The following ATP2B1 variants were observed in gnomAD, a reference collection of about 807,000 sequenced individuals.
ATP2B1 encodes the protein ATPase plasma membrane Ca2+ transporting 1.
In ATP2B1, 14 loss-of-function variants were observed where a neutral mutation model predicts 124.2. The ratio of observed to expected loss-of-function variants is 0.11; its 90% confidence interval spans 0.07 to 0.18. The LOEUF (loss-of-function observed/expected upper bound fraction) is 0.18, where lower values mean the gene tolerates loss of function less well. Ranked by LOEUF, ATP2B1 falls within the 10% of genes least tolerant of loss-of-function variation. The probability of loss-of-function intolerance (pLI) is 1.00; values close to 1 mark genes in which losing one functional copy is unlikely to be tolerated. For synonymous variants in ATP2B1, 449 were observed against 492.4 expected (o/e 0.91, Z 1.17); for missense variants, 763 against 1,466.1 (o/e 0.52, Z 7.83).
chr12:89,628,725 C>T (rs974183371), intron 6 of ATP2B1, among the ~76,000 whole-genome samples: 12 of 152,124 alleles, frequency 7.9e-5, no homozygotes, highest in African/African-American at 2.7e-4. Context: ...GCTTCTTTAT[C>T]GAGGAGAACT....
chr12:89,651,524 T>A (rs1885252588), intron 2 of ATP2B1, among the ~76,000 whole-genome samples: 1 of 152,080 alleles, frequency 6.6e-6, no homozygotes, highest in Non-Finnish European at 1.5e-5. Flanking sequence ...CACCTCAGCC[T>A]CCCAAAATGC....
chr12:89,639,231 C>T (rs147620439), intron 3 of ATP2B1, among the ~76,000 whole-genome samples: 4 of 152,236 alleles, frequency 2.6e-5, no homozygotes, highest in East Asian at 3.9e-4. Context: ...AGGCTGGGCA[C>T]GGTGGCTCAT....
intron 3 of ATP2B1, among the ~76,000 whole-genome samples, chr12:89,640,660 C>T (rs1883364541): frequency 6.6e-6 from 1 of 152,014 alleles, no homozygotes; most frequent in South Asian, 2.1e-4. Flanking sequence ...GAAATATGAT[C>T]CCTAGTGTTG....
intron 13 of ATP2B1, chr12:89,610,815 T>A: frequency 2.9e-6 from 1 of 347,074 alleles, no homozygotes. Context: ...CCCTACTGCC[T>A]ATGAAAATAG....
At chr12:89,684,250 G>A (rs915120900) in intron 1 of ATP2B1, among the ~76,000 whole-genome samples, 7 of 152,198 alleles carry the variant, frequency 4.6e-5, no homozygotes, top group Admixed American at 1.3e-4. Flanking sequence ...TACATTTTTT[G>A]TGTTGGCAGT....
chr12:89,659,925 A>G (rs1341167716), intron 1 of ATP2B1, among the ~76,000 whole-genome samples: 1 of 149,828 alleles, frequency 6.7e-6, no homozygotes, highest in East Asian at 1.9e-4. Context: ...CAAAAAAAAA[A>G]AAAAACAAAA....
chr12:89,666,791 C>G (rs1226502788), intron 1 of ATP2B1, among the ~76,000 whole-genome samples: 1 of 152,108 alleles, frequency 6.6e-6, no homozygotes. Flanking sequence ...AATTCCAAGA[C>G]CTTCTTAAAT....
intron 12 of ATP2B1, among the ~76,000 whole-genome samples, chr12:89,615,762 G>A (rs1878845128): frequency 6.6e-6 from 1 of 152,116 alleles, no homozygotes; most frequent in South Asian, 2.1e-4. Flanking sequence ...ATACAGTACA[G>A]TAGTCTTTTA....
At chr12:89,599,322 T>C in intron 19 of ATP2B1, 23 bp from the exon 20 acceptor site, 4 of 1,608,686 alleles carry the variant, frequency 2.5e-6, no homozygotes, top group Middle Eastern at 3.3e-4. Flanking sequence ...GGAATGAACT[T>C]AGAAATAAAT....
intron 8 of ATP2B1, 59 bp downstream of exon 8, chr12:89,626,395 T>C: frequency 4.0e-6 from 6 of 1,508,022 alleles, no homozygotes; most frequent in Non-Finnish European, 5.3e-6. Flanking sequence ...CAAAAGACAA[T>C]TTTTAAGCAG....
chr12:89,684,130 C>A (rs1273154355), intron 1 of ATP2B1, among the ~76,000 whole-genome samples: 1 of 152,010 alleles, frequency 6.6e-6, no homozygotes, highest in Non-Finnish European at 1.5e-5. Flanking sequence ...AGAAAACATA[C>A]ATGTCTATTT....
In ATP2B1 at chr12:89,677,971, T is replaced by TACACACACACAC. The variant is rs869199593; in HGVS notation, c.-221-21876_-221-21865dup. Among the ~76,000 whole-genome samples, 47 of 52,308 alleles carry TACACACACACAC rather than the reference T, an allele frequency of 9.0e-4. 3 individuals are homozygous for TACACACACACAC. Among genetic ancestry groups the TACACACACACAC allele is most frequent in the South Asian group, 3.0e-3 (4 of 1,332 alleles). 34.3% of individuals were successfully genotyped at this position (52,308 alleles called of 152,430 possible). ...TGCAGGAATTATATATATATATATA[T>TACACACACACAC]ACACACACACACACACACACACACA... On this transcript the variant is annotated intron_variant, in intron 1 of 20. Transcript: ENST00000428670.
At chr12:89,602,752 G>A (rs1024372420) in intron 18 of ATP2B1, among the ~76,000 whole-genome samples, 1 of 151,962 alleles carries the variant, frequency 6.6e-6, no homozygotes, top group South Asian at 2.1e-4. Flanking sequence ...CTAAAATGCT[G>A]GGAAACAATT....
chr12:89,655,882 C>T lies in ATP2B1; in HGVS notation c.5G>A (p.Gly2Asp), dbSNP rs756475314. 21 of 1,588,862 alleles carry T rather than the reference C, an allele frequency of 1.3e-5. No homozygotes were observed. The highest frequency in any genetic ancestry group is 1.8e-5 in the Non-Finnish European group (21 of 1,165,148). Residue 2 changes from glycine to aspartate, a missense_variant, in exon 2 of 21, where the codon GGC becomes GAC. This residue lies in a region of ATP2B1 where 93 missense variants were observed against 112.7 expected (regional missense o/e 0.83). Transcript: ENST00000428670. Reference protein sequence around the residue: MGDMANNSVAYS... With the variant: MDDMANNSVAYS... Reference sequence around the variant, plus strand: ...AGCAACTGAGTTGTTTGCCATGTCGCCCATTACAAGTATAATATATCAGAA... The same window carrying T: ...AGCAACTGAGTTGTTTGCCATGTCGTCCATTACAAGTATAATATATCAGAA...
chr12:89,695,549 G>A (rs374237164), intron 1 of ATP2B1, among the ~76,000 whole-genome samples: 8 of 151,744 alleles, frequency 5.3e-5, no homozygotes, highest in Admixed American at 3.3e-4. Flanking sequence ...GTTTTACCTC[G>A]TTTACAATAC....
chr12:89,604,345 C>A lies in ATP2B1; in HGVS notation c.2444G>T (p.Gly815Val). Residue 815 changes from glycine (G) to valine (V), a missense_variant and splice_region_variant, in exon 16 of 21, where the codon GGT becomes GTT. Around this residue, in one of 7 missense-constraint regions of ATP2B1, gnomAD observed 51 missense variants for 192.8 expected, o/e 0.26. Coordinates refer to ENST00000428670, the MANE Select transcript of ATP2B1 (RefSeq NM_001366521.1). ...TTTAGCTACATCAGTTCCAGCAATA[C>A]CCTGTTAAAAAAAATTTTGTGAATT... ...LKKADVGFAM[G>V]IAGTDVAKEA... 6.3e-7 allele frequency: 1 copy of A among 1,577,138 alleles called. No homozygotes were observed. Among genetic ancestry groups the A allele is most frequent in the South Asian group, 1.2e-5 (1 of 84,916 alleles).
chr12:89,630,497 A>C lies in ATP2B1; in HGVS notation c.928+8T>G, dbSNP rs374993486. On this transcript the variant is annotated splice_region_variant and intron_variant, in intron 6 of 20. Coordinates refer to ENST00000428670, the MANE Select transcript of ATP2B1 (RefSeq NM_001366521.1). ...CAAATACCAATTATAGAAAATTGTTATTCTTACTTTTCTTTTCCTTTTTCT... is the reference window on the plus strand; with the variant it reads ...CAAATACCAATTATAGAAAATTGTTCTTCTTACTTTTCTTTTCCTTTTTCT... 6.4e-7 allele frequency: 1 copy of C among 1,553,442 alleles called. No individual in the cohort carries two copies. The highest frequency in any genetic ancestry group is 1.4e-5 in the African/African-American group (1 of 72,242).
At chr12:89,681,376 C>A (rs1037212905) in intron 1 of ATP2B1, among the ~76,000 whole-genome samples, 2 of 130,456 alleles carry the variant, frequency 1.5e-5, no homozygotes, top group African/African-American at 5.5e-5. Flanking sequence ...AGAAAAATCC[C>A]TATAAATTTT....
intron 1 of ATP2B1, among the ~76,000 whole-genome samples, chr12:89,658,124 C>T (rs1886176084): frequency 6.6e-6 from 1 of 152,132 alleles, no homozygotes; most frequent in Non-Finnish European, 1.5e-5. Context: ...GAACATCACA[C>T]TAACCTTAAA....
Sources: gnomAD v4.1 joint callset for allele counts (sites outside exome capture counted in the v4.1 genomes callset) on GRCh38, gnomAD v4.1.1 for gene constraint, gnomAD v4.1.1 regional missense constraint, MANE v1.5 for transcripts, NCBI Gene and HGNC (gene_info 2026-07-23, HGNC 2026-07-21) for gene names.